The following SUCLG2 variants were observed in gnomAD, a reference collection of about 807,000 sequenced individuals.
SUCLG2 encodes the protein succinate--CoA ligase [GDP-forming] subunit beta, mitochondrial.
Under a neutral mutation model 47.9 loss-of-function variants are expected in SUCLG2, and 42 were observed. The observed-to-expected ratio is 0.88, with a 90% CI of 0.69 to 1.14. SUCLG2 has a LOEUF of 1.14. Ranked by LOEUF, SUCLG2 falls within the 50% of genes most tolerant of loss-of-function variation. SUCLG2 has a pLI of 0.00. For missense variants in SUCLG2, 571 were observed against 525.9 expected (o/e 1.09, Z -0.84); for synonymous variants, 195 against 197.3 (o/e 0.99, Z 0.10).
intron 2 of SUCLG2, among the ~76,000 whole-genome samples, chr3:67,529,631 A>G (rs961296782): frequency 6.6e-6 from 1 of 152,248 alleles, no homozygotes; most frequent in African/African-American, 2.4e-5. Context: ...AAGACAAGAC[A>G]CAAAGGTCAT....
chr3:67,521,054 C>T (rs773287111), intron 4 of SUCLG2, among the ~76,000 whole-genome samples: 3 of 152,170 alleles, frequency 2.0e-5, no homozygotes, highest in Non-Finnish European at 4.4e-5. Context: ...CAGACGGATT[C>T]TTTTACAGTA....
At chr3:67,516,947 C>T (rs1705961782) in intron 6 of SUCLG2, among the ~76,000 whole-genome samples, 1 of 152,200 alleles carries the variant, frequency 6.6e-6, no homozygotes, top group African/African-American at 2.4e-5. Flanking sequence ...CTGGTATCCT[C>T]ATTCTCAGGA....
chr3:67,426,859 G>A lies in SUCLG2; in HGVS notation c.1063-26008C>T, dbSNP rs949569402. On this transcript the variant is annotated intron_variant, in intron 9 of 10. Coordinates refer to ENST00000307227, the MANE Select transcript of SUCLG2 (RefSeq NM_003848.4). Reference sequence around the variant, plus strand: ...GGGGAATCACTTGAACCCTGGAAGCGGAGGTTGCAGTGAGCTGAGATCTTG... The same window carrying A: ...GGGGAATCACTTGAACCCTGGAAGCAGAGGTTGCAGTGAGCTGAGATCTTG... Among the ~76,000 whole-genome samples, 7 of 152,062 alleles carry A rather than the reference G, an allele frequency of 4.6e-5. No individual in the cohort carries two copies. The East Asian group carries it at 5.8e-4, about 13-fold the overall frequency.
intron 9 of SUCLG2, among the ~76,000 whole-genome samples, chr3:67,449,733 CCCCCTGAG>C (rs1704009015): frequency 6.6e-6 from 1 of 151,846 alleles, no homozygotes; most frequent in Non-Finnish European, 1.5e-5. Context: ...TCACGCTCAG[CCCCCTGAG>C]TAGCTGGGAC....
intron 9 of SUCLG2, among the ~76,000 whole-genome samples, chr3:67,422,207 C>G (rs1703176448): frequency 6.6e-6 from 1 of 151,306 alleles, no homozygotes; most frequent in South Asian, 2.1e-4. Flanking sequence ...GGCACAGTGG[C>G]TCATGCCTGT....
At chr3:67,458,031 A>G (rs985212784) in intron 9 of SUCLG2, among the ~76,000 whole-genome samples, 2 of 152,076 alleles carry the variant, frequency 1.3e-5, no homozygotes, top group African/African-American at 4.8e-5. Context: ...TAAGGGCCAC[A>G]TAGGGAGGCT....
intron 2 of SUCLG2, among the ~76,000 whole-genome samples, chr3:67,556,705 T>C (rs1348966899): frequency 6.6e-6 from 1 of 152,116 alleles, no homozygotes; most frequent in Non-Finnish European, 1.5e-5. Context: ...AACACCATTA[T>C]CTCCTTCCCA....
At chr3:67,488,662 C>T (rs117213670) in intron 9 of SUCLG2, among the ~76,000 whole-genome samples, 26 of 152,264 alleles carry the variant, frequency 1.7e-4, no homozygotes, top group East Asian at 1.4e-3. Context: ...ACATTATTCC[C>T]GACCATTATT....
chr3:67,559,954 G>A (rs901016346), intron 2 of SUCLG2, among the ~76,000 whole-genome samples: 4 of 151,394 alleles, frequency 2.6e-5, no homozygotes, highest in Non-Finnish European at 5.9e-5. Context: ...GGTATTGGGG[G>A]AGGCTGTGCA....
At chr3:67,396,384 C>A (rs1343512553) in intron 10 of SUCLG2, among the ~76,000 whole-genome samples, 1 of 152,062 alleles carries the variant, frequency 6.6e-6, no homozygotes, top group Non-Finnish European at 1.5e-5. Context: ...TCAGAGAATA[C>A]TACAAACACC....
chr3:67,373,903 C>A (rs530305257), downstream of SUCLG2, among the ~76,000 whole-genome samples: 1 of 152,064 alleles, frequency 6.6e-6, no homozygotes, highest in Non-Finnish European at 1.5e-5. Flanking sequence ...GCAAAAAGAA[C>A]AAGCTCTGAT....
At chr3:67,595,787 G>C (rs923194081) in intron 2 of SUCLG2, among the ~76,000 whole-genome samples, 3 of 152,200 alleles carry the variant, frequency 2.0e-5, no homozygotes, top group African/African-American at 7.2e-5. Flanking sequence ...CAGATACACT[G>C]AGTTTTCAAA....
At chr3:67,365,009 C>A (rs1203710915) in intron 10 of SUCLG2, among the ~76,000 whole-genome samples, 1 of 151,912 alleles carries the variant, frequency 6.6e-6, no homozygotes, top group Non-Finnish European at 1.5e-5. Flanking sequence ...ATACAGCAAC[C>A]AAAATAAAAT....
Position 67,375,501 on chromosome 3 carries a change from G to A in SUCLG2, c.*243C>T. 8.2e-7 allele frequency: 1 copy of A among 1,218,742 alleles called. No individual in the cohort carries two copies. Among genetic ancestry groups the A allele is most frequent in the Non-Finnish European group, 1.0e-6 (1 of 974,358 alleles). 75.5% of individuals were successfully genotyped at this position (1,218,742 alleles called of 1,614,324 possible). ...CAAAGTCTGCAAAACACTGCCTACTGGGCAGGCTTACAGTGACAGAAAAGT... is the reference window on the plus strand; with the variant it reads ...CAAAGTCTGCAAAACACTGCCTACTAGGCAGGCTTACAGTGACAGAAAAGT... On this transcript the variant is annotated 3_prime_UTR_variant, in exon 11 of 11. Coordinates refer to ENST00000307227, the MANE Select transcript of SUCLG2 (RefSeq NM_003848.4).
intron 2 of SUCLG2, among the ~76,000 whole-genome samples, chr3:67,589,772 C>T (rs150698172): frequency 7.2e-4 from 110 of 152,268 alleles, no homozygotes; most frequent in African/African-American, 2.4e-3. Flanking sequence ...CACCTCACAA[C>T]GCACAGTGAA....
intron 10 of SUCLG2, among the ~76,000 whole-genome samples, chr3:67,380,081 G>A (rs1316930219): frequency 1.3e-5 from 2 of 152,012 alleles, no homozygotes; most frequent in Admixed American, 6.6e-5. Context: ...GGTACTTTTT[G>A]ATAGATCTCC....
In SUCLG2 at chr3:67,523,677, T is replaced by C. The variant is rs141259565; in HGVS notation, c.418-3043A>G. On this transcript the variant is annotated intron_variant, in intron 4 of 10. Coordinates refer to ENST00000307227, the MANE Select transcript of SUCLG2 (RefSeq NM_003848.4). The stretch of plus-strand genomic sequence containing the variant: ...AAGAAATTAAGATAATCATTTCTTC[T>C]AAAACTTTCTCTAGAAGAGAAAGCT... Among the ~76,000 whole-genome samples the C allele has an allele frequency of 5.9e-5, 9 of 152,342 alleles. No individual in the cohort carries two copies. In the East Asian group the frequency reaches 1.7e-3, roughly 29 times the overall value.
chr3:67,507,514 T>C (rs1219380932), intron 7 of SUCLG2, among the ~76,000 whole-genome samples: 1 of 151,308 alleles, frequency 6.6e-6, no homozygotes, highest in African/African-American at 2.5e-5. Flanking sequence ...CTACCACTTA[T>C]TTGATTGAAA....
chr3:67,562,435 G>GC (rs1296150652), intron 2 of SUCLG2, among the ~76,000 whole-genome samples: 1 of 152,062 alleles, frequency 6.6e-6, no homozygotes, highest in Non-Finnish European at 1.5e-5. Flanking sequence ...AGGCCACCAT[G>GC]CCCAGCTAAA....
Sources: gnomAD v4.1 joint callset for allele counts (sites outside exome capture counted in the v4.1 genomes callset) on GRCh38, gnomAD v4.1.1 for gene constraint, MANE v1.5 for transcripts, NCBI Gene and HGNC (gene_info 2026-07-23, HGNC 2026-07-21) for gene names.